The following CNTN4 variants were observed in gnomAD, a reference collection of about 807,000 sequenced individuals.
The protein encoded by CNTN4 is contactin-4.
CNTN4 carries 77 observed loss-of-function variants against 122.5 expected under a neutral mutation model. The ratio of observed to expected loss-of-function variants is 0.63; its 90% CI spans 0.52 to 0.76. The LOEUF (loss-of-function observed/expected upper bound fraction) is 0.76, where lower values mean the gene tolerates loss of function less well. CNTN4 is among the 30% of genes least tolerant of loss of function. The probability of loss-of-function intolerance (pLI) is 0.00; values close to 1 mark genes in which losing one functional copy is unlikely to be tolerated. For synonymous variants in CNTN4, 512 were observed against 447.0 expected (o/e 1.15, Z -1.83); for missense variants, 1,256 against 1,259.1 (o/e 1.00, Z 0.04).
intron 2 of CNTN4, among the ~76,000 whole-genome samples, chr3:2,260,893 A>T (rs931550203): frequency 2.0e-5 from 3 of 151,494 alleles, no homozygotes; most frequent in Non-Finnish European, 4.4e-5. Flanking sequence ...ACGCTTGGCT[A>T]AATTTTTGCA....
At chr3:2,897,084 G>A (rs1265547022) in intron 10 of CNTN4, among the ~76,000 whole-genome samples, 1 of 152,066 alleles carries the variant, frequency 6.6e-6, no homozygotes, top group African/African-American at 2.4e-5. Flanking sequence ...GACCCACTGA[G>A]TTTAAATTAT....
At chr3:2,870,896 G>A (rs1214986359) in intron 8 of CNTN4, among the ~76,000 whole-genome samples, 1 of 152,172 alleles carries the variant, frequency 6.6e-6, no homozygotes, top group Non-Finnish European at 1.5e-5. Context: ...AAGTTGAACA[G>A]TGAACCTTGG....
chr3:2,179,198 T>G (rs777728551), intron 2 of CNTN4, among the ~76,000 whole-genome samples: 1 of 152,096 alleles, frequency 6.6e-6, no homozygotes, highest in Non-Finnish European at 1.5e-5. Context: ...ATCATGTAAT[T>G]GCACATAATT....
At chr3:2,558,895 T>C (rs2078831510) in intron 3 of CNTN4, among the ~76,000 whole-genome samples, 1 of 152,102 alleles carries the variant, frequency 6.6e-6, no homozygotes, top group Admixed American at 6.5e-5. Context: ...ATAAATAGAA[T>C]GGTTAAAAGT....
chr3:2,506,839 G>C (rs1001821683), intron 3 of CNTN4, among the ~76,000 whole-genome samples: 3 of 152,120 alleles, frequency 2.0e-5, no homozygotes, highest in African/African-American at 7.2e-5. Context: ...GCTGGAATGA[G>C]ATTTTTTTTT....
chr3:2,733,942 G>T (rs1200555187), intron 4 of CNTN4, among the ~76,000 whole-genome samples: 1 of 152,184 alleles, frequency 6.6e-6, no homozygotes, highest in East Asian at 1.9e-4. Flanking sequence ...AATGGAGTAA[G>T]GAGAGACAGT....
chr3:2,209,946 G>A (rs1049790836), intron 2 of CNTN4, among the ~76,000 whole-genome samples: 3 of 151,922 alleles, frequency 2.0e-5, no homozygotes, highest in Admixed American at 6.6e-5. Flanking sequence ...ATAAGTCCCC[G>A]AGAGCTTTAT....
At chr3:2,178,029 T>C (rs1286223667) in intron 2 of CNTN4, among the ~76,000 whole-genome samples, 1 of 152,088 alleles carries the variant, frequency 6.6e-6, no homozygotes, top group Non-Finnish European at 1.5e-5. Context: ...CTCATTTCTC[T>C]CTTATTTTCA....
chr3:2,974,784 A>C (rs1693264905), intron 13 of CNTN4, among the ~76,000 whole-genome samples: 1 of 152,216 alleles, frequency 6.6e-6, no homozygotes, highest in Admixed American at 6.5e-5. Flanking sequence ...GAGCTAGTAG[A>C]TTCCACTTTC....
chr3:2,872,846 G>T (rs960360640), intron 8 of CNTN4, among the ~76,000 whole-genome samples: 1 of 152,072 alleles, frequency 6.6e-6, no homozygotes, highest in South Asian at 2.1e-4. Context: ...TTATACTTCA[G>T]TATAAAATTA....
intron 3 of CNTN4, among the ~76,000 whole-genome samples, chr3:2,552,139 C>A (rs1359464151): frequency 1.3e-5 from 2 of 152,100 alleles, no homozygotes; most frequent in Non-Finnish European, 2.9e-5. Flanking sequence ...AGTAAAGGAG[C>A]ACCAAGCCTC....
chr3:2,447,154 C>A (rs1162435601), intron 3 of CNTN4, among the ~76,000 whole-genome samples: 1 of 152,058 alleles, frequency 6.6e-6, no homozygotes, highest in African/African-American at 2.4e-5. Context: ...ATTACATATA[C>A]CTCTATTTAA....
intron 10 of CNTN4, among the ~76,000 whole-genome samples, chr3:2,891,370 C>G (rs956330113): frequency 7.2e-5 from 11 of 152,052 alleles, no homozygotes; most frequent in African/African-American, 2.7e-4. Flanking sequence ...TCACTTGAAC[C>G]CAGGAGGCGG....
chr3:2,494,508 A>T (rs1487896456), intron 3 of CNTN4, among the ~76,000 whole-genome samples: 1 of 152,126 alleles, frequency 6.6e-6, no homozygotes, highest in African/African-American at 2.4e-5. Context: ...TGTTATGTAG[A>T]TGAAGCTTCC....
At chr3:2,532,136 T>C (rs1435538902) in intron 3 of CNTN4, among the ~76,000 whole-genome samples, 1 of 152,242 alleles carries the variant, frequency 6.6e-6, no homozygotes, top group East Asian at 1.9e-4. Flanking sequence ...TATGTACTTA[T>C]AAATCTCCTG....
chr3:2,472,287 CTGT>C (rs2075709036), intron 3 of CNTN4, among the ~76,000 whole-genome samples: 1 of 152,146 alleles, frequency 6.6e-6, no homozygotes, highest in Non-Finnish European at 1.5e-5. Flanking sequence ...GCCACCCAGG[CTGT>C]AGTGCAATGG....
rs751041496 is a variant in CNTN4, at chr3:3,043,602, A to AC, written c.2715dup (p.Gly906ArgfsTer24). On this transcript the variant is annotated frameshift_variant, in exon 23 of 25. Transcript: ENST00000418658. LOFTEE classifies it high-confidence loss of function. ...TTAATTTTTTTATAGCACCAAGTCA[A>AC]CCCCCCGGAAACATCATATGGAATT... 2.7e-5 allele frequency: 43 copies of AC among 1,612,820 alleles called. No homozygotes were observed. Among genetic ancestry groups the AC allele is most frequent in the Admixed American group, 1.7e-5 (1 of 59,976 alleles).
rs186065681 is a variant in CNTN4, at chr3:2,901,674, A to G, written c.1077+853A>G. 6.0e-4 allele frequency among the ~76,000 whole-genome samples: 91 copies of G among 152,296 alleles called. 2 individuals carry two copies. In the East Asian group the frequency reaches 0.012, roughly 20 times the overall value. On this transcript the variant is annotated intron_variant, in intron 11 of 24. Transcript: ENST00000418658. Reference sequence around the variant, plus strand: ...CTGTTGCTTGCTGTGCAGAGAGCCAATCACTGAGAGAGTGAGTATTGCCAG... The same window carrying G: ...CTGTTGCTTGCTGTGCAGAGAGCCAGTCACTGAGAGAGTGAGTATTGCCAG...
At chr3:2,328,252 A>T (rs1366748118) in intron 2 of CNTN4, among the ~76,000 whole-genome samples, 5 of 151,412 alleles carry the variant, frequency 3.3e-5, no homozygotes, top group Non-Finnish European at 7.4e-5. Flanking sequence ...AAAAATACAA[A>T]AAAATTAGCC....
Sources: allele counts gnomAD v4.1 joint callset (sites outside exome capture counted in the v4.1 genomes callset), GRCh38; gene constraint gnomAD v4.1.1; transcripts MANE v1.5; gene names NCBI Gene and HGNC (gene_info 2026-07-23, HGNC 2026-07-21).